Variants in TRABD2B observed in about 807,000 individuals in gnomAD.
TRABD2B encodes the protein metalloprotease TIKI2.
A neutral mutation model predicts 40.1 loss-of-function variants in TRABD2B; 14 were observed. The ratio of observed to expected loss-of-function variants is 0.35; its 90% confidence interval spans 0.23 to 0.55. The LOEUF (loss-of-function observed/expected upper bound fraction) is 0.55, where lower values mean the gene tolerates loss of function less well. Ranked by LOEUF, TRABD2B falls within the 20% of genes least tolerant of loss-of-function variation. TRABD2B has a pLI of 0.90. For missense variants in TRABD2B, 541 were observed against 648.6 expected, an observed-to-expected ratio of 0.83 and a Z score of 1.80; for synonymous variants, 263 against 277.0, an observed-to-expected ratio of 0.95 and a Z score of 0.50.
chr1:47,821,487 C>T (rs1252482161), intron 2 of TRABD2B, among the ~76,000 whole-genome samples: 3 of 152,242 alleles, frequency 2.0e-5, no homozygotes, highest in Non-Finnish European at 4.4e-5. Flanking sequence ...AATATCAGGA[C>T]TGGAAGGAAC....
intron 2 of TRABD2B, among the ~76,000 whole-genome samples, chr1:47,959,372 C>T (rs1645475283): frequency 6.6e-6 from 1 of 152,058 alleles, no homozygotes; most frequent in Non-Finnish European, 1.5e-5. Context: ...CAGAGCAGAA[C>T]TGAAGGAGAT....
Position 47,982,219 on chromosome 1 carries a change from G to C in TRABD2B, c.666+11815C>G, listed in dbSNP as rs572792257. Among the ~76,000 whole-genome samples the C allele has an allele frequency of 3.3e-5, 5 of 152,298 alleles. No homozygotes were observed. In the South Asian group the frequency reaches 1.0e-3, roughly 32 times the overall value. On this transcript the variant is annotated intron_variant, in intron 2 of 6. Transcript: ENST00000606738. ...AGTGTGTGAGAGACCAAAGGACCAA[G>C]AGCCATCTTTTGTACAGAATGGGCT...
rs148869130 is a variant in TRABD2B, at chr1:47,794,593, G to A, written c.981C>T (p.Phe327=). Residue 327 remains phenylalanine (F), a synonymous_variant, in exon 4 of 7, where the codon TTC becomes TTT. Coordinates refer to ENST00000606738, the MANE Select transcript of TRABD2B (RefSeq NM_001194986.2). ...CCCCACACTGGCCCAAACCTGCTCC[G>A]AAGGCAAAGAAGCAGATCTTGTCCT... is the stretch of plus-strand genomic sequence containing the variant. The part of the protein sequence containing the change: ...ENEDKICFFA[F]GAGHFLGNNT... 1,261 of 1,529,354 alleles carry A rather than the reference G, an allele frequency of 8.2e-4. 4 individuals carry two copies. Among genetic ancestry groups the A allele is most frequent in the Middle Eastern group, 4.7e-3 (28 of 5,952 alleles). 94.7% of individuals were successfully genotyped at this position (1,529,354 alleles called of 1,614,324 possible).
chr1:47,768,312 AGT>A (rs888732066), intron 6 of TRABD2B, among the ~76,000 whole-genome samples: 2 of 141,940 alleles, frequency 1.4e-5, no homozygotes, highest in South Asian at 4.6e-4. Flanking sequence ...TTCTGAGTAG[AGT>A]GTGTGTGTGT....
intron 4 of TRABD2B, among the ~76,000 whole-genome samples, chr1:47,784,479 TC>T (rs1301162223): frequency 6.6e-6 from 1 of 151,664 alleles, no homozygotes; most frequent in East Asian, 1.9e-4. Context: ...CAGCACTGGC[TC>T]CCCCCGATCA....
chr1:47,799,682 G>T (rs1367284442), intron 3 of TRABD2B, among the ~76,000 whole-genome samples: 1 of 152,136 alleles, frequency 6.6e-6, no homozygotes. Context: ...TCTGTCTGCA[G>T]GCTATACTCT....
At position 47,762,677 on chromosome 1, in the gene TRABD2B, CA is replaced by C. The variant is rs1644256466; in HGVS notation, c.*3224del. 6.6e-6 allele frequency: 1 copy of C among 152,194 alleles called. No individual in the cohort carries two copies. Among genetic ancestry groups the C allele is most frequent in the Non-Finnish European group, 1.5e-5 (1 of 68,042 alleles). The allele number at this position is 152,194 out of a possible 1,614,324, so 9.4% of individuals were successfully genotyped here. On this transcript the variant is annotated 3_prime_UTR_variant, in exon 7 of 7. Coordinates refer to ENST00000606738, the MANE Select transcript of TRABD2B (RefSeq NM_001194986.2). ...ACAAGGTTCCATGCTTCCTAGATCC[CA>C]GATCTTTGACTCTCAGGACTGGAGG...
At chr1:47,840,203 C>G (rs1173065421) in intron 2 of TRABD2B, among the ~76,000 whole-genome samples, 1 of 152,170 alleles carries the variant, frequency 6.6e-6, no homozygotes, top group Non-Finnish European at 1.5e-5. Context: ...TAAGCACGCT[C>G]ACTCCAGGGC....
intron 2 of TRABD2B, among the ~76,000 whole-genome samples, chr1:47,977,433 G>C (rs1645772316): frequency 6.6e-6 from 1 of 152,122 alleles, no homozygotes; most frequent in Non-Finnish European, 1.5e-5. Flanking sequence ...GGCTGAAGGA[G>C]AGTGGGACAA....
At chr1:47,910,150 G>A (rs1644742889) in intron 2 of TRABD2B, among the ~76,000 whole-genome samples, 1 of 152,014 alleles carries the variant, frequency 6.6e-6, no homozygotes, top group Admixed American at 6.5e-5. Context: ...GTGAGCTACT[G>A]TGCCTGGCAG....
chr1:47,812,300 A>G (rs892586151), intron 2 of TRABD2B, among the ~76,000 whole-genome samples: 2 of 152,202 alleles, frequency 1.3e-5, no homozygotes, highest in African/African-American at 4.8e-5. Context: ...GGCACGGGTA[A>G]TTATAATGTG....
At chr1:47,821,698 A>G (rs1162566847) in intron 2 of TRABD2B, among the ~76,000 whole-genome samples, 2 of 152,050 alleles carry the variant, frequency 1.3e-5, no homozygotes, top group Non-Finnish European at 2.9e-5. Context: ...GTAGCCCCTT[A>G]GAACTTGTCT....
chr1:47,980,173 G>A (rs1557693380), intron 2 of TRABD2B, among the ~76,000 whole-genome samples: 1 of 152,068 alleles, frequency 6.6e-6, no homozygotes, highest in South Asian at 2.1e-4. Context: ...TGAGTGTTAT[G>A]AGTAACTATA....
chr1:47,935,413 C>T (rs1645093961), intron 2 of TRABD2B, among the ~76,000 whole-genome samples: 1 of 152,200 alleles, frequency 6.6e-6, no homozygotes, highest in African/African-American at 2.4e-5. Context: ...TTGCAACAGG[C>T]TGTTTTGTCT....
intron 2 of TRABD2B, among the ~76,000 whole-genome samples, chr1:47,984,170 G>A (rs1361297158): frequency 6.6e-6 from 1 of 152,248 alleles, no homozygotes; most frequent in Non-Finnish European, 1.5e-5. Context: ...AAGACAAGGA[G>A]GGGAAGGCCT....
chr1:47,941,935 G>A (rs940684166), intron 2 of TRABD2B, among the ~76,000 whole-genome samples: 3 of 152,134 alleles, frequency 2.0e-5, no homozygotes, highest in Non-Finnish European at 4.4e-5. Flanking sequence ...ACAATGCCTG[G>A]GCTATTATAA....
At chr1:47,862,244 A>G (rs1193995400) in intron 2 of TRABD2B, among the ~76,000 whole-genome samples, 1 of 152,224 alleles carries the variant, frequency 6.6e-6, no homozygotes, top group Non-Finnish European at 1.5e-5. Flanking sequence ...GTCCTAGCTA[A>G]TGTAATTAAG....
chr1:47,822,153 C>CACAT (rs1230776918), intron 2 of TRABD2B, among the ~76,000 whole-genome samples: 1 of 84,086 alleles, frequency 1.2e-5, no homozygotes, highest in East Asian at 3.4e-4. Flanking sequence ...TACACGTACA[C>CACAT]ACACACACAC....
chr1:47,944,770 G>A (rs1158464299), intron 2 of TRABD2B, among the ~76,000 whole-genome samples: 1 of 152,186 alleles, frequency 6.6e-6, no homozygotes, highest in East Asian at 1.9e-4. Flanking sequence ...GCAGCTCACG[G>A]ACATGGCTAC....
Sources: gnomAD v4.1 joint callset for allele counts (sites outside exome capture counted in the v4.1 genomes callset) on GRCh38, gnomAD v4.1.1 for gene constraint, MANE v1.5 for transcripts, NCBI Gene and HGNC (gene_info 2026-07-23, HGNC 2026-07-21) for gene names.